PCDHGC3: variants seen among roughly 807,000 people sequenced by gnomAD.
PCDHGC3 encodes protocadherin gamma-C3.
In PCDHGC3, 26 loss-of-function variants were observed where a neutral mutation model predicts 59.2. The ratio of observed to expected loss-of-function variants is 0.44; its 90% CI spans 0.32 to 0.61. The LOEUF (loss-of-function observed/expected upper bound fraction) is 0.61. Ranked by LOEUF, PCDHGC3 falls within the 20% of genes least tolerant of loss-of-function variation. The pLI is 0.05. For missense variants in PCDHGC3, 1,080 were observed against 1,221.8 expected (o/e 0.88, Z 1.73); for synonymous variants, 487 against 519.7 (o/e 0.94, Z 0.86).
chr5:141,483,099 C>T (rs10068400), intron 1 of PCDHGC3, among the ~76,000 whole-genome samples: 3,098 of 152,014 alleles, frequency 0.02, 87 homozygotes, highest in African/African-American at 0.065. Flanking sequence ...AAAAAGTGTG[C>T]GTGTAAAACA....
Position 141,486,885 on chromosome 5 carries a change from G to A in PCDHGC3, c.2431-7922G>A, listed in dbSNP as rs139638334. On this transcript the variant is annotated intron_variant, in intron 1 of 3. Transcript: ENST00000308177. The surrounding 1 kb of genome is among the most constrained non-coding windows in gnomAD (Gnocchi z 5.0). ...CCAGCTGTGCTCCGTCCTCGGGCCC[G>A]GCCTGGTTCCTTATGTCCCCAAGCA... is the stretch of plus-strand genomic sequence containing the variant. 16 of 1,614,076 alleles carry A rather than the reference G, an allele frequency of 9.9e-6. No individual in the cohort carries two copies. The highest frequency in any genetic ancestry group is 1.6e-4 in the Middle Eastern group (1 of 6,084).
chr5:141,500,521 A>T lies in PCDHGC3; in HGVS notation c.2490-4872A>T, dbSNP rs185546944. 3.7e-3 allele frequency among the ~76,000 whole-genome samples: 560 copies of T among 152,176 alleles called. 5 individuals are homozygous for T. Among genetic ancestry groups the T allele is most frequent in the Admixed American group, 0.011 (162 of 15,280 alleles). On this transcript the variant is annotated intron_variant, in intron 2 of 3. Coordinates refer to ENST00000308177, the MANE Select transcript of PCDHGC3 (RefSeq NM_002588.4). Reference sequence around the variant, plus strand: ...ACCGCGCCTGGCCGAGCTTCATTTTAAAAAAATCTCATTCACCTAAATAAG... The same window carrying T: ...ACCGCGCCTGGCCGAGCTTCATTTTTAAAAAATCTCATTCACCTAAATAAG...
At chr5:141,479,206 T>C (rs987807222) in intron 1 of PCDHGC3, 3 of 152,400 alleles carry the variant, frequency 2.0e-5, no homozygotes, top group African/African-American at 7.2e-5. Context: ...CAGAAAAGTA[T>C]TTAAAAAATT....
rs112808093 is a variant in PCDHGC3, at chr5:141,489,579, C to A, written c.2431-5228C>A. ...CAGTGCAGGTGGTGACTGAACACCC[C>A]CTGGAGCTAATCCGTGTAGAGGTAG... On this transcript the variant is annotated intron_variant, in intron 1 of 3. Coordinates refer to ENST00000308177, the MANE Select transcript of PCDHGC3 (RefSeq NM_002588.4). This position sits in a 1 kb window ranked among gnomAD's most constrained non-coding sequence, Gnocchi z 4.5. 1.2e-6 allele frequency: 2 copies of A among 1,613,922 alleles called. No individual in the cohort carries two copies. Among genetic ancestry groups the A allele is most frequent in the African/African-American group, 2.7e-5 (2 of 74,916 alleles).
In PCDHGC3 at chr5:141,478,050, CG is replaced by C; in HGVS notation, c.1936del (p.Val646SerfsTer2). 6.2e-7 allele frequency: 1 copy of C among 1,614,184 alleles called. No individual in the cohort carries two copies. The highest frequency in any genetic ancestry group is 8.5e-7 in the Non-Finnish European group (1 of 1,180,044). On this transcript the variant is annotated frameshift_variant, in exon 1 of 4. Coordinates refer to ENST00000308177, the MANE Select transcript of PCDHGC3 (RefSeq NM_002588.4). LOFTEE classifies it high-confidence loss of function. ...ACAGATTCACCCAGGCAGACTCTCA[CG>C]GTCTTGATCAAAGACAATGGGGAGC... ...QDTDSPRQTLTVLIKDNGEPS... is the reference protein window; with the variant it reads ...QDTDSPRQTLXVLIKDNGEPS...
Position 141,485,716 on chromosome 5 carries a change from T to C in PCDHGC3, c.2430+7170T>C. Reference sequence around the variant, plus strand: ...GCTCCAATGAACACTTTGCACTGGATGTGAAGAAGCGCAGCGACGGCAGCC... The same window carrying C: ...GCTCCAATGAACACTTTGCACTGGACGTGAAGAAGCGCAGCGACGGCAGCC... On this transcript the variant is annotated intron_variant, in intron 1 of 3. Coordinates refer to ENST00000308177, the MANE Select transcript of PCDHGC3 (RefSeq NM_002588.4). The surrounding 1 kb of genome is among the most constrained non-coding windows in gnomAD (Gnocchi z 5.7). The C allele has an allele frequency of 6.2e-7, 1 of 1,614,044 alleles. No individual in the cohort carries two copies. Among genetic ancestry groups the C allele is most frequent in the Non-Finnish European group, 8.5e-7 (1 of 1,180,002 alleles).
Position 141,489,857 on chromosome 5 carries a change from C to T in PCDHGC3, c.2431-4950C>T. 2 of 1,614,166 alleles carry T rather than the reference C, an allele frequency of 1.2e-6. No individual in the cohort carries two copies. On this transcript the variant is annotated intron_variant, in intron 1 of 3. Coordinates refer to ENST00000308177, the MANE Select transcript of PCDHGC3 (RefSeq NM_002588.4). This position sits in a 1 kb window ranked among gnomAD's most constrained non-coding sequence, Gnocchi z 4.5. ...CAGCAGCTGGATCGTGAAGCCCAGGCAAGACATCAGCTGGTGCTTACTGCT... is the reference window on the plus strand; with the variant it reads ...CAGCAGCTGGATCGTGAAGCCCAGGTAAGACATCAGCTGGTGCTTACTGCT...
In PCDHGC3 at chr5:141,476,742, G is replaced by C. The variant is rs1015622831; in HGVS notation, c.626G>C (p.Ser209Thr). 8.7e-6 allele frequency: 14 copies of C among 1,613,936 alleles called. No homozygotes were observed. Among genetic ancestry groups the C allele is most frequent in the Non-Finnish European group, 1.1e-5 (13 of 1,180,032 alleles). Residue 209 changes from serine to threonine, a missense_variant, in exon 1 of 4, where the codon AGT becomes ACT. Transcript: ENST00000308177. The surrounding 1 kb of genome is among the most constrained non-coding windows in gnomAD (Gnocchi z 7.6). The part of the protein sequence containing the change: ...ERALDREREP[S>T]LQLVLTALDG... ...GCCCTGGACCGAGAACGGGAGCCTA[G>C]TCTCCAGTTAGTGCTGACGGCGTTG...
chr5:141,505,589 C>T, intron 3 of PCDHGC3, 108 bp downstream of exon 3: 1 of 1,573,272 alleles, frequency 6.4e-7, no homozygotes, highest in Non-Finnish European at 8.6e-7. Context: ...GTAGTTTCTC[C>T]AGATCTTTCG....
rs374181150 is a variant in PCDHGC3, at chr5:141,477,134, G to C, written c.1018G>C (p.Val340Leu). The C allele has an allele frequency of 2.5e-5, 41 of 1,614,092 alleles. No homozygotes were observed. Among genetic ancestry groups the C allele is most frequent in the Non-Finnish European group, 3.4e-5 (40 of 1,180,056 alleles). ...CGAAGGAGCACATTGCAAAGTGTTG[G>C]TGGAGGTTGTGGATGTGAATGACAA... is the stretch of plus-strand genomic sequence containing the variant. ...NPEGAHCKVL[V>L]EVVDVNDNAP... Residue 340 changes from valine (V) to leucine (L), a missense_variant, in exon 1 of 4, where the codon GTG becomes CTG. Coordinates refer to ENST00000308177, the MANE Select transcript of PCDHGC3 (RefSeq NM_002588.4). The surrounding 1 kb of genome is among the most constrained non-coding windows in gnomAD (Gnocchi z 4.9).
chr5:141,480,607 C>T (rs2099522175), intron 1 of PCDHGC3, among the ~76,000 whole-genome samples: 1 of 145,670 alleles, frequency 6.9e-6, no homozygotes, highest in Admixed American at 6.8e-5. Context: ...GCCTGGAAAG[C>T]AACTGGCATT....
In PCDHGC3 at chr5:141,477,279, C is replaced by T. The variant is rs2099408674; in HGVS notation, c.1163C>T (p.Thr388Ile). ...GATGCTGGCGAGAACGGGCTGGTGA[C>T]CTGCGAAGTTCCACCGGGTCTCCCT... is the stretch of plus-strand genomic sequence containing the variant. ...DLDAGENGLV[T>I]CEVPPGLPFS... is the part of the protein sequence containing the mutation. Residue 388 changes from threonine to isoleucine, a missense_variant, in exon 1 of 4, where the codon ACC becomes ATC. By Grantham distance (89) the Thr-to-Ile change is moderately conservative (BLOSUM62 -1). Transcript: ENST00000308177. The surrounding 1 kb of genome is among the most constrained non-coding windows in gnomAD (Gnocchi z 4.9). 6.2e-7 allele frequency: 1 copy of T among 1,614,054 alleles called. No individual in the cohort carries two copies. Among genetic ancestry groups the T allele is most frequent in the Non-Finnish European group, 8.5e-7 (1 of 1,180,050 alleles).
Position 141,491,743 on chromosome 5 carries a change from A to G in PCDHGC3, c.2431-3064A>G, listed in dbSNP as rs752434173. ...GCCCCGGGCGACCCCTGGGGGCGGC[A>G]CTGGAGAAGCCGCCCGTCCTCATAA... On this transcript the variant is annotated intron_variant, in intron 1 of 3. Transcript: ENST00000308177. The surrounding 1 kb of genome is among the most constrained non-coding windows in gnomAD (Gnocchi z 6.9). 5.0e-6 allele frequency: 8 copies of G among 1,595,570 alleles called. No individual in the cohort carries two copies. In the Admixed American group the frequency reaches 1.4e-4, roughly 28 times the overall value.
Position 141,511,040 on chromosome 5 carries a change from C to T in PCDHGC3, c.2672C>T (p.Pro891Leu), listed in dbSNP as rs770767470. The T allele has an allele frequency of 6.2e-7, 1 of 1,614,216 alleles. No individual in the cohort carries two copies. The highest frequency in any genetic ancestry group is 1.7e-5 in the Admixed American group (1 of 60,034). Reference protein sequence around the residue: ...YGPQFTLQHVPDYRQNVYIPG... With the variant: ...YGPQFTLQHVLDYRQNVYIPG... ...CCCCAGTTCACCCTGCAGCACGTGC[C>T]CGACTACCGCCAGAATGTCTACATC... Residue 891 changes from proline (P) to leucine (L), a missense_variant, in exon 4 of 4, where the codon CCC becomes CTC. Physicochemically the swap from Pro to Leu is moderately conservative, Grantham distance 98. Transcript: ENST00000308177.
Position 141,501,290 on chromosome 5 carries a change from TACACACACACACAC to T in PCDHGC3, c.2490-4072_2490-4059del, listed in dbSNP as rs55762287. ...GTCCAGTCTATGGGATATTCCCTTA[TACACACACACACAC>T]ACACACACACACACACACACACACA... On this transcript the variant is annotated intron_variant, in intron 2 of 3. Transcript: ENST00000308177. Among the ~76,000 whole-genome samples, 10 of 136,248 alleles carry T rather than the reference TACACACACACACAC, an allele frequency of 7.3e-5. No homozygotes were observed. In the South Asian group the frequency reaches 1.2e-3, roughly 16 times the overall value. 89.4% of individuals were successfully genotyped at this position (136,248 alleles called of 152,430 possible).
Position 141,478,392 on chromosome 5 carries a change from A to T in PCDHGC3, c.2276A>T (p.Gln759Leu). ...CTGATGTCGCCGCACCTTTACCATC[A>T]GGTGTATCTCACCACGGACTCCCGC... ...GGLMSPHLYHQVYLTTDSRRS... is the reference protein window; with the variant it reads ...GGLMSPHLYHLVYLTTDSRRS... The change falls in exon 1 of 4, where the codon CAG becomes CTG. Residue 759 changes from glutamine to leucine, a missense_variant. Coordinates refer to ENST00000308177, the MANE Select transcript of PCDHGC3 (RefSeq NM_002588.4). 6.2e-7 allele frequency: 1 copy of T among 1,613,560 alleles called. No homozygotes were observed. The highest frequency in any genetic ancestry group is 2.2e-5 in the East Asian group (1 of 44,868).
At chr5:141,488,157 C>T (rs565677003) in intron 1 of PCDHGC3, among the ~76,000 whole-genome samples, 2 of 152,216 alleles carry the variant, frequency 1.3e-5, no homozygotes, top group South Asian at 2.1e-4. Context: ...TAGAGAGGCA[C>T]GCATCAGAGT....
At chr5:141,481,220 C>T (rs896803040) in intron 1 of PCDHGC3, among the ~76,000 whole-genome samples, 1 of 152,130 alleles carries the variant, frequency 6.6e-6, no homozygotes, top group African/African-American at 2.4e-5. Context: ...GGTAAGGTCT[C>T]CCAGCCTTAA....
Position 141,485,086 on chromosome 5 carries a change from A to T in PCDHGC3, c.2430+6540A>T. 1.0e-6 allele frequency: 1 copy of T among 999,576 alleles called. No individual in the cohort carries two copies. Among genetic ancestry groups the T allele is most frequent in the Non-Finnish European group, 1.5e-6 (1 of 651,740 alleles). 61.9% of individuals were successfully genotyped at this position (999,576 alleles called of 1,614,324 possible). A position where few individuals can be genotyped will look rare whatever the true frequency, so the allele number is the denominator to read the frequency against. On this transcript the variant is annotated intron_variant, in intron 1 of 3. Transcript: ENST00000308177. The surrounding 1 kb of genome is among the most constrained non-coding windows in gnomAD (Gnocchi z 5.7). The stretch of plus-strand genomic sequence containing the variant: ...CCAGAGCTGGCGCGGGGAAAGGGAG[A>T]TAGGTGTCTCCAGCTGCTGTGGCTG...
Sources: allele counts gnomAD v4.1 joint callset (sites outside exome capture counted in the v4.1 genomes callset), GRCh38; gene constraint gnomAD v4.1.1; non-coding constraint Gnocchi (gnomAD v3.1); transcripts MANE v1.5; gene names NCBI Gene and HGNC (gene_info 2026-07-23, HGNC 2026-07-21).